The following SPIN1 variants were observed in gnomAD, a reference collection of about 807,000 sequenced individuals.
SPIN1 encodes spindlin-1.
A neutral mutation model predicts 26.0 loss-of-function variants in SPIN1; 3 were observed. The ratio of observed to expected loss-of-function variants is 0.12; its 90% CI spans 0.05 to 0.30. The LOEUF (loss-of-function observed/expected upper bound fraction) is 0.30. SPIN1 is among the 10% of genes least tolerant of loss of function. The pLI is 1.00. For missense variants in SPIN1, 126 were observed against 333.4 expected, an observed-to-expected ratio of 0.38 and a Z score of 4.84; for synonymous variants, 101 against 116.5, an observed-to-expected ratio of 0.87 and a Z score of 0.86.
At chr9:88,474,270 C>G (rs1828846922) in intron 5 of SPIN1, among the ~76,000 whole-genome samples, 1 of 152,178 alleles carries the variant, frequency 6.6e-6, no homozygotes, top group Non-Finnish European at 1.5e-5. Flanking sequence ...TTATAATTGC[C>G]TAGCAAACCC....
In SPIN1 at chr9:88,426,568, G is replaced by A. The variant is rs1413683368; in HGVS notation, c.29G>A (p.Gly10Asp). ...AAGACCCCATTCGGAAAGACACCTG[G>A]CCAGCGGTCCAGAGCTGATGCAGGT... MKTPFGKTP[G>D]QRSRADAGHA... Residue 10 changes from glycine (G) to aspartate (D), a missense_variant, in exon 2 of 6, where the codon GGC (glycine) becomes GAC (aspartate). Around this residue, in one of 7 missense-constraint regions of SPIN1, gnomAD observed 63 missense variants for 101.3 expected, o/e 0.62. Transcript: ENST00000375859. The A allele has an allele frequency of 1.2e-6, 2 of 1,613,698 alleles. No individual in the cohort carries two copies. Among genetic ancestry groups the A allele is most frequent in the Non-Finnish European group, 1.7e-6 (2 of 1,179,760 alleles).
intron 1 of SPIN1, among the ~76,000 whole-genome samples, chr9:88,418,373 G>T (rs1456461464): frequency 6.6e-6 from 1 of 152,196 alleles, no homozygotes; most frequent in Non-Finnish European, 1.5e-5. Flanking sequence ...TTAACCTTGT[G>T]TGACAACAAT....
chr9:88,412,738 A>G (rs1209154181), intron 1 of SPIN1, among the ~76,000 whole-genome samples: 1 of 151,982 alleles, frequency 6.6e-6, no homozygotes, highest in East Asian at 1.9e-4. Flanking sequence ...GCTAGAGTGC[A>G]GATGGCGCGG....
At chr9:88,417,156 A>G (rs1325757998) in intron 1 of SPIN1, among the ~76,000 whole-genome samples, 1 of 152,220 alleles carries the variant, frequency 6.6e-6, no homozygotes, top group African/African-American at 2.4e-5. Context: ...CATATCTAAT[A>G]TCTATGCTCT....
At chr9:88,444,599 C>T (rs1286877462) in intron 2 of SPIN1, among the ~76,000 whole-genome samples, 1 of 151,646 alleles carries the variant, frequency 6.6e-6, no homozygotes, top group African/African-American at 2.4e-5. Flanking sequence ...TCTTTATAAT[C>T]ATTTTAGATC....
chr9:88,405,951 A>G (rs7858452), intron 1 of SPIN1, among the ~76,000 whole-genome samples: 11,617 of 149,904 alleles, frequency 0.077, 1,408 homozygotes, highest in African/African-American at 0.26. Flanking sequence ...TCCTCACACA[A>G]TCTCCCTAGT....
intron 1 of SPIN1, among the ~76,000 whole-genome samples, chr9:88,412,585 A>C (rs1827472602): frequency 1.3e-5 from 2 of 152,186 alleles, no homozygotes; most frequent in Non-Finnish European, 2.9e-5. Flanking sequence ...TTCTGAACAC[A>C]GTGAATGAAA....
intron 3 of SPIN1, among the ~76,000 whole-genome samples, chr9:88,461,773 A>G (rs1242028435): frequency 6.6e-6 from 1 of 152,208 alleles, no homozygotes; most frequent in Non-Finnish European, 1.5e-5. Flanking sequence ...ATCAAGAGCC[A>G]GGTGTATTAT....
At chr9:88,406,871 C>A (rs1208195442) in intron 1 of SPIN1, among the ~76,000 whole-genome samples, 2 of 152,118 alleles carry the variant, frequency 1.3e-5, no homozygotes, top group Non-Finnish European at 2.9e-5. Context: ...CCTGGATACT[C>A]TGTTGAGCTC....
At chr9:88,421,096 T>G (rs1009296143) in intron 1 of SPIN1, among the ~76,000 whole-genome samples, 3 of 150,936 alleles carry the variant, frequency 2.0e-5, no homozygotes, top group Non-Finnish European at 1.5e-5. Flanking sequence ...ATGTATGTAT[T>G]GTTTTCTTTC....
chr9:88,469,680 A>G (rs1047046002), intron 5 of SPIN1, among the ~76,000 whole-genome samples: 5 of 152,018 alleles, frequency 3.3e-5, no homozygotes, highest in African/African-American at 1.2e-4. Context: ...ACACCTGGTT[A>G]ATTTTTGTTT....
intron 1 of SPIN1, among the ~76,000 whole-genome samples, chr9:88,401,555 C>T (rs1463389584): frequency 1.3e-5 from 2 of 152,120 alleles, no homozygotes; most frequent in East Asian, 3.8e-4. Flanking sequence ...CTAAATTACT[C>T]CTAGTATGTA....
intron 1 of SPIN1, among the ~76,000 whole-genome samples, chr9:88,412,234 A>G (rs746022418): frequency 1.2e-4 from 18 of 152,108 alleles, no homozygotes; most frequent in Non-Finnish European, 7.4e-5. Flanking sequence ...TCGTTGATAG[A>G]GCTTCCTTGC....
chr9:88,453,350 A>G (rs1025628571), intron 3 of SPIN1, among the ~76,000 whole-genome samples: 1 of 152,128 alleles, frequency 6.6e-6, no homozygotes, highest in Non-Finnish European at 1.5e-5. Context: ...GGTATGGTTC[A>G]TGGATTGGCT....
At chr9:88,431,838 C>G (rs755016788) in intron 2 of SPIN1, among the ~76,000 whole-genome samples, 10 of 151,986 alleles carry the variant, frequency 6.6e-5, no homozygotes, top group Non-Finnish European at 1.3e-4. Flanking sequence ...TCATTTGAGG[C>G]CAGGAGTGTG....
At chr9:88,390,274 T>A (rs552632700) in intron 1 of SPIN1, among the ~76,000 whole-genome samples, 3 of 152,306 alleles carry the variant, frequency 2.0e-5, no homozygotes, top group African/African-American at 7.2e-5. Context: ...CCTTAAAGTG[T>A]ATCTCAGATA....
chr9:88,407,873 A>G (rs938405368), intron 1 of SPIN1, among the ~76,000 whole-genome samples: 2 of 150,434 alleles, frequency 1.3e-5, no homozygotes, highest in Non-Finnish European at 3.0e-5. Flanking sequence ...TGATCCTCCT[A>G]CCTCAGCCTC....
intron 3 of SPIN1, among the ~76,000 whole-genome samples, chr9:88,456,050 T>C (rs1828464759): frequency 6.6e-6 from 1 of 152,236 alleles, no homozygotes; most frequent in African/African-American, 2.4e-5. Context: ...AAACATTTTC[T>C]TTAGTTTCCC....
chr9:88,417,422 C>T (rs1033526766), intron 1 of SPIN1, among the ~76,000 whole-genome samples: 2 of 152,096 alleles, frequency 1.3e-5, no homozygotes, highest in Admixed American at 1.3e-4. Flanking sequence ...CACAAGACTG[C>T]CCCCATTTCT....
Sources: allele counts gnomAD v4.1 joint callset (sites outside exome capture counted in the v4.1 genomes callset), GRCh38; gene constraint gnomAD v4.1.1; regional missense constraint gnomAD v4.1.1; transcripts MANE v1.5; gene names NCBI Gene and HGNC (gene_info 2026-07-23, HGNC 2026-07-21).